The following PAPPA variants were observed in gnomAD, a reference collection of about 807,000 sequenced individuals.
PAPPA encodes pappalysin-1.
PAPPA carries 60 observed loss-of-function variants against 164.0 expected under a neutral mutation model. The observed-to-expected ratio is 0.37, with a 90% CI of 0.30 to 0.45. The LOEUF (loss-of-function observed/expected upper bound fraction) is 0.45. Ranked by LOEUF, PAPPA falls within the 20% of genes least tolerant of loss-of-function variation. The pLI, the probability that PAPPA is intolerant of heterozygous loss-of-function variation, is 1.00. For synonymous variants in PAPPA, 875 were observed against 814.1 expected (o/e 1.07, Z -1.27); for missense variants, 1,782 against 2,087.3 (o/e 0.85, Z 2.85).
At chr9:116,282,423 C>T (rs1446004892) in intron 9 of PAPPA, among the ~76,000 whole-genome samples, 1 of 152,114 alleles carries the variant, frequency 6.6e-6, no homozygotes, top group Non-Finnish European at 1.5e-5. Context: ...ATATTTCCAC[C>T]CTTTTTCCAT....
intron 9 of PAPPA, among the ~76,000 whole-genome samples, chr9:116,283,150 A>C (rs995179846): frequency 2.4e-4 from 37 of 152,194 alleles, no homozygotes; most frequent in African/African-American, 8.0e-4. Context: ...GACCAGGCTC[A>C]CACTGATTAT....
chr9:116,156,195 G>A (rs974468632), intron 1 of PAPPA, among the ~76,000 whole-genome samples: 50 of 150,810 alleles, frequency 3.3e-4, no homozygotes, highest in Admixed American at 3.3e-3. Flanking sequence ...CTGGAGAGAG[G>A]AGAGCACAGG....
chr9:116,265,211 T>C (rs571835444), intron 7 of PAPPA, among the ~76,000 whole-genome samples: 5 of 152,180 alleles, frequency 3.3e-5, no homozygotes, highest in African/African-American at 4.8e-5. Context: ...CTAGCAGCCA[T>C]GTAGGGATGT....
At chr9:116,192,413 G>A (rs934190487) in intron 2 of PAPPA, among the ~76,000 whole-genome samples, 6 of 152,166 alleles carry the variant, frequency 3.9e-5, no homozygotes, top group African/African-American at 1.4e-4. Flanking sequence ...TTTATCTCAC[G>A]GAAAACTTTA....
At chr9:116,188,843 A>T (rs1012164416) in intron 2 of PAPPA, among the ~76,000 whole-genome samples, 1 of 152,164 alleles carries the variant, frequency 6.6e-6, no homozygotes, top group African/African-American at 2.4e-5. Context: ...CTGTTTCTTC[A>T]TCTGTAAAAT....
At chr9:116,326,072 G>A (rs559643853) in intron 10 of PAPPA, among the ~76,000 whole-genome samples, 1 of 152,098 alleles carries the variant, frequency 6.6e-6, no homozygotes, top group Non-Finnish European at 1.5e-5. Flanking sequence ...CTCTCTGACT[G>A]TTGGAGAGGA....
At chr9:116,264,892 G>C (rs1451867204) in intron 7 of PAPPA, among the ~76,000 whole-genome samples, 2 of 152,174 alleles carry the variant, frequency 1.3e-5, no homozygotes, top group Admixed American at 1.3e-4. Context: ...TGCCTTGGAG[G>C]ATAATTGGCA....
intron 18 of PAPPA, among the ~76,000 whole-genome samples, chr9:116,365,549 C>T: frequency 1.4e-5 from 1 of 70,114 alleles, no homozygotes; most frequent in Admixed American, 1.9e-4. Context: ...GTTTTGACAA[C>T]CGTTTTTTTT....
intron 2 of PAPPA, among the ~76,000 whole-genome samples, chr9:116,192,226 G>A (rs1331456992): frequency 6.6e-6 from 1 of 152,140 alleles, no homozygotes; most frequent in Admixed American, 6.5e-5. Flanking sequence ...AGCAGGGTGG[G>A]GAGTGGACCT....
intron 1 of PAPPA, among the ~76,000 whole-genome samples, chr9:116,162,445 G>A (rs116399501): frequency 1.1e-3 from 175 of 152,174 alleles, no homozygotes; most frequent in African/African-American, 4.0e-3. Flanking sequence ...AGAGGCCTGG[G>A]GCAGTGACCT....
chr9:116,269,482 A>C (rs1236339262), intron 8 of PAPPA, among the ~76,000 whole-genome samples: 3 of 152,218 alleles, frequency 2.0e-5, no homozygotes, highest in African/African-American at 4.8e-5. Flanking sequence ...ACAGCCTCTT[A>C]TAAGGGGCTC....
chr9:116,346,946 G>A (rs528807374), intron 14 of PAPPA, 80 bp from the exon 15 acceptor site: 79 of 1,232,222 alleles, frequency 6.4e-5, no homozygotes, highest in Middle Eastern at 3.9e-4. Flanking sequence ...ACTCTGAGCC[G>A]TCACCTTGGG....
chr9:116,275,081 A>G (rs1165505115), intron 9 of PAPPA, among the ~76,000 whole-genome samples: 1 of 152,246 alleles, frequency 6.6e-6, no homozygotes, highest in African/African-American at 2.4e-5. Context: ...ATTGAGCTTC[A>G]GAGCACGCAA....
At chr9:116,162,155 G>A (rs1216606839) in intron 1 of PAPPA, among the ~76,000 whole-genome samples, 1 of 152,204 alleles carries the variant, frequency 6.6e-6, no homozygotes, top group Non-Finnish European at 1.5e-5. Context: ...GCATGGAGAA[G>A]GGGCAAGTGG....
chr9:116,212,234 C>T (rs947359838), intron 4 of PAPPA, among the ~76,000 whole-genome samples: 3 of 152,192 alleles, frequency 2.0e-5, no homozygotes, highest in Non-Finnish European at 4.4e-5. Flanking sequence ...GCATAAAACT[C>T]TCACATTCTC....
At chr9:116,160,195 G>A (rs919251861) in intron 1 of PAPPA, among the ~76,000 whole-genome samples, 1 of 152,208 alleles carries the variant, frequency 6.6e-6, no homozygotes, top group Non-Finnish European at 1.5e-5. Flanking sequence ...TTACTGAGCT[G>A]GGTAGTAGCT....
chr9:116,221,628 G>GT (rs1361400782), intron 5 of PAPPA, among the ~76,000 whole-genome samples: 2 of 151,830 alleles, frequency 1.3e-5, no homozygotes, highest in Admixed American at 6.6e-5. Context: ...TTCAGCTCTT[G>GT]TTTTGTATTG....
intron 7 of PAPPA, among the ~76,000 whole-genome samples, chr9:116,253,373 T>A (rs1253228711): frequency 1.3e-5 from 2 of 152,146 alleles, no homozygotes; most frequent in African/African-American, 2.4e-5. Flanking sequence ...ATACATTTTT[T>A]TAAAAAATTG....
chr9:116,390,043 A>G (rs752983082), intron 21 of PAPPA, among the ~76,000 whole-genome samples: 2 of 152,154 alleles, frequency 1.3e-5, no homozygotes, highest in South Asian at 2.1e-4. Context: ...TACTTTTTGC[A>G]TGAGTGAATT....
Sources: gnomAD v4.1 joint callset for allele counts (sites outside exome capture counted in the v4.1 genomes callset) on GRCh38, gnomAD v4.1.1 for gene constraint, MANE v1.5 for transcripts, NCBI Gene and HGNC (gene_info 2026-07-23, HGNC 2026-07-21) for gene names.